MSRA: variants seen among roughly 807,000 people sequenced by gnomAD.
The protein encoded by MSRA is mitochondrial peptide methionine sulfoxide reductase.
A neutral mutation model predicts 31.3 loss-of-function variants in MSRA; 54 were observed. The ratio of observed to expected loss-of-function variants is 1.73; its 90% CI spans 1.39 to 2.17. The LOEUF is 2.17. Among genes scored for constraint, MSRA ranks in the 30% most tolerant of loss-of-function variants. MSRA has a pLI of 0.00. For synonymous variants in MSRA, 169 were observed against 116.5 expected (o/e 1.45, Z -2.90); for missense variants, 507 against 300.9 (o/e 1.69, Z -5.07).
intron 5 of MSRA, among the ~76,000 whole-genome samples, chr8:10,341,183 A>G (rs1281255730): frequency 6.6e-6 from 1 of 152,230 alleles, no homozygotes; most frequent in African/African-American, 2.4e-5. Context: ...GAGACTGAGT[A>G]ATTTATAAAG....
chr8:10,133,438 C>T (rs1035721176), intron 1 of MSRA, among the ~76,000 whole-genome samples: 2 of 152,156 alleles, frequency 1.3e-5, no homozygotes, highest in Admixed American at 6.5e-5. Context: ...GCGACAAGGA[C>T]CAGGCCGTGG....
chr8:10,401,638 CA>C (rs1217428927), intron 5 of MSRA, among the ~76,000 whole-genome samples: 4 of 151,644 alleles, frequency 2.6e-5, no homozygotes, highest in African/African-American at 9.7e-5. Flanking sequence ...TTACAATAGC[CA>C]AAAAGTGGAA....
At chr8:10,252,088 G>GA (rs1425911276) in intron 3 of MSRA, among the ~76,000 whole-genome samples, 1 of 152,218 alleles carries the variant, frequency 6.6e-6, no homozygotes, top group Non-Finnish European at 1.5e-5. Context: ...TTGATGTCCT[G>GA]ACTAATAACC....
Position 10,210,347 on chromosome 8 carries a change from T to A in MSRA, c.211+2446T>A, listed in dbSNP as rs774238626. ...TGTTCTTGTTGTGATGTTCCCTGAC[T>A]CTCTCTGCACTGGTTCAAGGAACCA... On this transcript the variant is annotated intron_variant, in intron 2 of 5. Coordinates refer to ENST00000317173, the MANE Select transcript of MSRA (RefSeq NM_012331.5). 1.6e-4 allele frequency among the ~76,000 whole-genome samples: 25 copies of A among 152,290 alleles called. No homozygotes were observed. The South Asian group carries it at 4.1e-3, about 25-fold the overall frequency.
chr8:10,118,995 C>T (rs7843906), intron 1 of MSRA, among the ~76,000 whole-genome samples: 35,540 of 152,060 alleles, frequency 0.23, 4,410 homozygotes, highest in East Asian at 0.39. Flanking sequence ...TTCATGAAGG[C>T]AGGTTCTGGA....
At chr8:10,178,481 G>T (rs1199980356) in intron 1 of MSRA, among the ~76,000 whole-genome samples, 1 of 152,074 alleles carries the variant, frequency 6.6e-6, no homozygotes, top group Non-Finnish European at 1.5e-5. Flanking sequence ...AAGCAGGAAA[G>T]TAATTGAAAA....
intron 1 of MSRA, among the ~76,000 whole-genome samples, chr8:10,101,476 G>A: frequency 6.6e-6 from 1 of 152,066 alleles, no homozygotes; most frequent in East Asian, 1.9e-4. Flanking sequence ...AGCCACAGAA[G>A]TCTTTTCATC....
chr8:10,323,333 C>G (rs1417693756), intron 5 of MSRA, among the ~76,000 whole-genome samples: 1 of 151,460 alleles, frequency 6.6e-6, no homozygotes, highest in South Asian at 2.1e-4. Flanking sequence ...TATAAACTCC[C>G]TTATGTAATG....
intron 5 of MSRA, among the ~76,000 whole-genome samples, chr8:10,347,005 C>G (rs1465522005): frequency 1.3e-5 from 2 of 152,202 alleles, no homozygotes; most frequent in Non-Finnish European, 2.9e-5. Context: ...GTTCCCTGTC[C>G]TCACAGACCC....
chr8:10,085,556 G>C (rs1247968554), intron 1 of MSRA, among the ~76,000 whole-genome samples: 5 of 152,150 alleles, frequency 3.3e-5, no homozygotes, highest in Admixed American at 2.6e-4. Context: ...CGGTACCTTG[G>C]ATGGTTTCTA....
At chr8:10,413,629 C>T (rs1216770377) in intron 5 of MSRA, among the ~76,000 whole-genome samples, 1 of 90,616 alleles carries the variant, frequency 1.1e-5, no homozygotes, top group African/African-American at 4.3e-5. Context: ...AATGCCTCAA[C>T]AAATAAAGAA....
intron 5 of MSRA, among the ~76,000 whole-genome samples, chr8:10,340,935 C>T (rs748923667): frequency 3.9e-5 from 6 of 152,132 alleles, no homozygotes; most frequent in Non-Finnish European, 7.3e-5. Flanking sequence ...AAAGATGCCC[C>T]TGATAAGAAA....
At chr8:10,301,957 C>T (rs985303265) in intron 4 of MSRA, among the ~76,000 whole-genome samples, 1 of 152,160 alleles carries the variant, frequency 6.6e-6, no homozygotes, top group African/African-American at 2.4e-5. Flanking sequence ...CTTTTGTCTA[C>T]AAAATTAAAG....
At chr8:10,229,451 T>G (rs1270865673) in intron 2 of MSRA, among the ~76,000 whole-genome samples, 1 of 152,052 alleles carries the variant, frequency 6.6e-6, no homozygotes, top group African/African-American at 2.4e-5. Flanking sequence ...ATCTGAGGAC[T>G]GGGGGCCGGC....
intron 1 of MSRA, chr8:10,096,425 A>C: frequency 1.4e-5 from 5 of 364,130 alleles, no homozygotes; most frequent in Non-Finnish European, 1.9e-5. Flanking sequence ...GTGAATTCTC[A>C]TTGTGAGAAG....
chr8:10,093,070 T>A (rs1798936690), intron 1 of MSRA, among the ~76,000 whole-genome samples: 1 of 152,202 alleles, frequency 6.6e-6, no homozygotes, highest in Admixed American at 6.5e-5. Context: ...CCTTTTTATG[T>A]CTTTGAGTAT....
chr8:10,367,793 C>A (rs1300121816), intron 5 of MSRA, among the ~76,000 whole-genome samples: 1 of 152,216 alleles, frequency 6.6e-6, no homozygotes, highest in Non-Finnish European at 1.5e-5. Context: ...GTGCCTTCAC[C>A]CACAGCACAT....
intron 1 of MSRA, among the ~76,000 whole-genome samples, chr8:10,143,308 A>G (rs1802861404): frequency 6.6e-6 from 1 of 152,194 alleles, no homozygotes; most frequent in African/African-American, 2.4e-5. Context: ...CGTTGAAAGT[A>G]AAATGCTGGC....
At chr8:10,297,910 T>C (rs1313381614) in intron 3 of MSRA, among the ~76,000 whole-genome samples, 1 of 152,186 alleles carries the variant, frequency 6.6e-6, no homozygotes, top group Non-Finnish European at 1.5e-5. Context: ...TCGTGTCAGT[T>C]ACCACACAGC....
Sources: allele counts gnomAD v4.1 joint callset (sites outside exome capture counted in the v4.1 genomes callset), GRCh38; gene constraint gnomAD v4.1.1; transcripts MANE v1.5; gene names NCBI Gene and HGNC (gene_info 2026-07-23, HGNC 2026-07-21).